Variants in DDX31 observed in about 807,000 individuals in gnomAD.
DDX31 encodes the protein DEAD-box helicase 31, also known as ATP-dependent DNA helicase DDX31.
In DDX31, 70 loss-of-function variants were observed where a neutral mutation model predicts 91.3. That is an observed-to-expected ratio of 0.77 (90% CI 0.63 to 0.94). The LOEUF (loss-of-function observed/expected upper bound fraction) is 0.94, where lower values mean the gene tolerates loss of function less well. Among genes scored for constraint, DDX31 ranks in the 40% least tolerant of loss-of-function variants. The probability of loss-of-function intolerance (pLI) is 0.00; values close to 1 mark genes in which losing one functional copy is unlikely to be tolerated. For missense variants in DDX31, 902 were observed against 925.0 expected (o/e 0.98, Z 0.32); for synonymous variants, 362 against 350.6 (o/e 1.03, Z -0.36).
intron 16 of DDX31, among the ~76,000 whole-genome samples, chr9:132,626,396 C>A (rs543148891): frequency 1.3e-5 from 2 of 152,280 alleles, no homozygotes; most frequent in Non-Finnish European, 2.9e-5. Flanking sequence ...CCACAAGGAG[C>A]CAGAACACAA....
At chr9:132,652,909 C>T (rs1834301698) in intron 6 of DDX31, among the ~76,000 whole-genome samples, 1 of 152,124 alleles carries the variant, frequency 6.6e-6, no homozygotes, top group South Asian at 2.1e-4. Context: ...CCATGTGGAA[C>T]TGTAAGTCAA....
At chr9:132,655,854 C>T (rs755769376) in intron 6 of DDX31, among the ~76,000 whole-genome samples, 36 of 152,266 alleles carry the variant, frequency 2.4e-4, no homozygotes, top group Middle Eastern at 3.4e-3. Flanking sequence ...GCATAAGAAA[C>T]ATTTACCCAA....
Position 132,595,308 on chromosome 9 carries a change from T to A in DDX31, c.1995-196A>T, listed in dbSNP as rs1365607658. On this transcript the variant is annotated intron_variant, in intron 19 of 19. Transcript: ENST00000372159. The surrounding 1 kb of genome is among the most constrained non-coding windows in gnomAD (Gnocchi z 4.6). ...TAGATACGGCGCTGACAGATTTTCA[T>A]AACAGCGGCAAAATATCATGGCATT... Among the ~76,000 whole-genome samples the A allele has an allele frequency of 6.6e-6, 1 of 152,218 alleles. No homozygotes were observed.
chr9:132,605,243 T>C (rs1444369411), intron 19 of DDX31, among the ~76,000 whole-genome samples: 1 of 152,202 alleles, frequency 6.6e-6, no homozygotes, highest in Non-Finnish European at 1.5e-5. Context: ...TACAAAAAAT[T>C]TACCGAGCAC....
chr9:132,637,760 C>T (rs896176275), intron 14 of DDX31: 10 of 955,652 alleles, frequency 1.0e-5, no homozygotes, highest in Middle Eastern at 5.4e-4. Flanking sequence ...CATGAGTTAG[C>T]GTAACTGAGT....
intron 17 of DDX31, among the ~76,000 whole-genome samples, chr9:132,619,812 T>C (rs920383153): frequency 2.6e-5 from 4 of 151,674 alleles, no homozygotes; most frequent in Non-Finnish European, 5.9e-5. Context: ...TGATGTGAAA[T>C]GCAAACTTTT....
rs905881694 is a variant in DDX31, at chr9:132,639,574, C to T, written c.1440+2430G>A. On this transcript the variant is annotated intron_variant, in intron 14 of 19. Coordinates refer to ENST00000372159, the MANE Select transcript of DDX31 (RefSeq NM_022779.9). Reference sequence around the variant, plus strand: ...GATACCACGTGCCTGCAGGTATCATCAGCCAGACAGAACAAGGAAAGTGAT... The same window carrying T: ...GATACCACGTGCCTGCAGGTATCATTAGCCAGACAGAACAAGGAAAGTGAT... Among the ~76,000 whole-genome samples the T allele has an allele frequency of 5.9e-5, 9 of 152,330 alleles. No individual in the cohort carries two copies. In the East Asian group the frequency reaches 1.7e-3, roughly 29 times the overall value.
chr9:132,626,214 G>A (rs771470081), intron 16 of DDX31, among the ~76,000 whole-genome samples: 1 of 151,838 alleles, frequency 6.6e-6, no homozygotes, highest in African/African-American at 2.4e-5. Flanking sequence ...TGAGGGTAAC[G>A]AGGGCACAAA....
chr9:132,601,626 T>C (rs1367218767), intron 19 of DDX31, among the ~76,000 whole-genome samples: 1 of 152,238 alleles, frequency 6.6e-6, no homozygotes, highest in Non-Finnish European at 1.5e-5. Context: ...GTTTCCATTG[T>C]AAGTCTGGAT....
intron 19 of DDX31, among the ~76,000 whole-genome samples, chr9:132,607,121 G>A (rs1831073487): frequency 6.6e-6 from 1 of 152,218 alleles, no homozygotes; most frequent in Non-Finnish European, 1.5e-5. Context: ...AACTTCAGAA[G>A]TGTGGGAGGT....
At chr9:132,630,429 C>A in intron 15 of DDX31, 26 bp from the exon 16 acceptor site, 1 of 1,571,162 alleles carries the variant, frequency 6.4e-7, no homozygotes, top group South Asian at 1.1e-5. Context: ...AAAATGAAGG[C>A]ATTCATAGAT....
chr9:132,621,563 C>T (rs1832035358), intron 17 of DDX31, among the ~76,000 whole-genome samples: 1 of 152,170 alleles, frequency 6.6e-6, no homozygotes, highest in African/African-American at 2.4e-5. Context: ...TTCAATCACG[C>T]TGGGTGAAGG....
intron 13 of DDX31, 120 bp downstream of exon 13, chr9:132,645,775 G>A (rs771349264): frequency 4.8e-5 from 53 of 1,095,992 alleles, no homozygotes; most frequent in Non-Finnish European, 6.6e-5. Flanking sequence ...CTTGCCCAGT[G>A]GAGTGTGCAA....
At chr9:132,646,698 G>A (rs1289073733) in intron 12 of DDX31, 125 bp downstream of exon 12, 10 of 851,544 alleles carry the variant, frequency 1.2e-5, no homozygotes, top group South Asian at 3.2e-5. Flanking sequence ...GTCTGCATCC[G>A]GAATGCAGAC....
At chr9:132,648,582 TA>T in intron 9 of DDX31, 31 bp from the exon 10 acceptor site, 2 of 1,588,658 alleles carry the variant, frequency 1.3e-6, no homozygotes. Context: ...TAAAAGAAAG[TA>T]AATCAAACAG....
chr9:132,595,219 T>C lies in DDX31; in HGVS notation c.1995-107A>G. 1 of 1,361,808 alleles carries C rather than the reference T, an allele frequency of 7.3e-7. No homozygotes were observed. The highest frequency in any genetic ancestry group is 9.9e-7 in the Non-Finnish European group (1 of 1,007,480). 84.4% of individuals were successfully genotyped at this position (1,361,808 alleles called of 1,614,324 possible). On this transcript the variant is annotated intron_variant, in intron 19 of 19. Coordinates refer to ENST00000372159, the MANE Select transcript of DDX31 (RefSeq NM_022779.9). The surrounding 1 kb of genome is among the most constrained non-coding windows in gnomAD (Gnocchi z 4.6). Reference sequence around the variant, plus strand: ...TTCTGAGACTGTGAAGCTGACATTTTTGTATTAACAGAAGTACAATCCCTT... The same window carrying C: ...TTCTGAGACTGTGAAGCTGACATTTCTGTATTAACAGAAGTACAATCCCTT...
chr9:132,666,875 G>T (rs1048831628), intron 1 of DDX31, among the ~76,000 whole-genome samples: 1 of 151,986 alleles, frequency 6.6e-6, no homozygotes, highest in African/African-American at 2.4e-5. Context: ...CACCACACCC[G>T]GCTAATTTTT....
At chr9:132,599,759 T>C (rs1830631795) in intron 19 of DDX31, among the ~76,000 whole-genome samples, 1 of 152,252 alleles carries the variant, frequency 6.6e-6, no homozygotes, top group Non-Finnish European at 1.5e-5. Flanking sequence ...GAATGAGGAC[T>C]AGTCAAGTGC....
chr9:132,621,630 C>T (rs12349621), intron 17 of DDX31, among the ~76,000 whole-genome samples: 3,054 of 152,204 alleles, frequency 0.02, 93 homozygotes, highest in African/African-American at 0.07. Context: ...AGCTACTGAA[C>T]CCACATTTAC....
Sources: allele counts gnomAD v4.1 joint callset (sites outside exome capture counted in the v4.1 genomes callset), GRCh38; gene constraint gnomAD v4.1.1; non-coding constraint Gnocchi (gnomAD v3.1); transcripts MANE v1.5; gene names NCBI Gene and HGNC (gene_info 2026-07-23, HGNC 2026-07-21).